RABGAP1L: variants seen among roughly 807,000 people sequenced by gnomAD.
RABGAP1L encodes the protein RAB GTPase activating protein 1 like.
In RABGAP1L, 63 loss-of-function variants were observed where a neutral mutation model predicts 137.7. The observed-to-expected ratio is 0.46, with a 90% confidence interval of 0.37 to 0.56. The LOEUF is 0.56. Ranked by LOEUF, RABGAP1L falls within the 20% of genes least tolerant of loss-of-function variation. RABGAP1L has a pLI of 0.00. For missense variants in RABGAP1L, 1,095 were observed against 1,244.0 expected, an observed-to-expected ratio of 0.88 and a Z score of 1.80; for synonymous variants, 431 against 433.7, an observed-to-expected ratio of 0.99 and a Z score of 0.08.
chr1:174,166,402 A>T (rs1470453807), intron 1 of RABGAP1L, among the ~76,000 whole-genome samples: 1 of 152,246 alleles, frequency 6.6e-6, no homozygotes, highest in Non-Finnish European at 1.5e-5. Context: ...GTTTATACAG[A>T]TCTGCAGCTA....
chr1:174,437,687 GA>G, intron 13 of RABGAP1L, among the ~76,000 whole-genome samples: 1 of 152,208 alleles, frequency 6.6e-6, no homozygotes, highest in Admixed American at 6.5e-5. Flanking sequence ...TAGCAAGGCA[GA>G]CCAACATTCA....
chr1:174,357,563 CA>C (rs1024604316), intron 11 of RABGAP1L, among the ~76,000 whole-genome samples: 15 of 152,050 alleles, frequency 9.9e-5, no homozygotes, highest in African/African-American at 3.6e-4. Context: ...ATTAAACACA[CA>C]AGTAAATAAA....
chr1:174,847,050 C>A (rs1342767676), intron 19 of RABGAP1L, among the ~76,000 whole-genome samples: 1 of 114,472 alleles, frequency 8.7e-6, no homozygotes, highest in Admixed American at 9.9e-5. Flanking sequence ...GGATTGCAAC[C>A]CCTGCCTTTT....
At chr1:174,867,727 C>A (rs561807731) in intron 19 of RABGAP1L, among the ~76,000 whole-genome samples, 17 of 152,298 alleles carry the variant, frequency 1.1e-4, no homozygotes, top group South Asian at 4.1e-4. Context: ...CTCACTGCAA[C>A]CTCCACCTCC....
intron 4 of RABGAP1L, among the ~76,000 whole-genome samples, chr1:174,240,938 T>TTGTGTGTG (rs71958106): frequency 6.6e-6 from 1 of 150,566 alleles, no homozygotes; most frequent in Admixed American, 6.6e-5. Context: ...ATGTGTGTGT[T>TTGTGTGTG]TGTGTGTGTG....
chr1:174,714,030 C>A (rs961346832), intron 17 of RABGAP1L, among the ~76,000 whole-genome samples: 2 of 152,202 alleles, frequency 1.3e-5, no homozygotes, highest in African/African-American at 4.8e-5. Context: ...ATTTGGCCTG[C>A]AGTTATTCCC....
intron 13 of RABGAP1L, among the ~76,000 whole-genome samples, chr1:174,504,322 G>GA (rs1418791169): frequency 3.3e-5 from 5 of 150,286 alleles, no homozygotes; most frequent in Admixed American, 3.3e-4. Flanking sequence ...CACAGAAATA[G>GA]AAAAAATAAC....
At chr1:174,291,167 T>A (rs1416735721) in intron 10 of RABGAP1L, among the ~76,000 whole-genome samples, 1 of 152,210 alleles carries the variant, frequency 6.6e-6, no homozygotes, top group South Asian at 2.1e-4. Flanking sequence ...GCTTAGTTTT[T>A]TTCTTCCCCC....
intron 4 of RABGAP1L, among the ~76,000 whole-genome samples, chr1:174,239,591 C>G (rs1472010445): frequency 2.0e-5 from 3 of 151,436 alleles, no homozygotes; most frequent in Non-Finnish European, 2.9e-5. Flanking sequence ...TAGCACTTTT[C>G]TTTGAATTGA....
At chr1:174,266,974 A>C (rs1674126453) in intron 7 of RABGAP1L, among the ~76,000 whole-genome samples, 1 of 152,188 alleles carries the variant, frequency 6.6e-6, no homozygotes, top group African/African-American at 2.4e-5. Flanking sequence ...CATATTGAAA[A>C]AGTATGATAA....
At chr1:174,942,160 A>G (rs1665994653) in intron 19 of RABGAP1L, among the ~76,000 whole-genome samples, 3 of 152,218 alleles carry the variant, frequency 2.0e-5, no homozygotes. Context: ...CTAGTTAGCC[A>G]TTAGTGCAAA....
intron 13 of RABGAP1L, among the ~76,000 whole-genome samples, chr1:174,490,318 G>A (rs1558278425): frequency 6.6e-6 from 1 of 151,728 alleles, no homozygotes. Context: ...GTAACACTGT[G>A]GTTCTTACAG....
At chr1:174,793,717 A>G (rs1352505146) in intron 18 of RABGAP1L, among the ~76,000 whole-genome samples, 1 of 150,694 alleles carries the variant, frequency 6.6e-6, no homozygotes, top group Admixed American at 6.6e-5. Context: ...TTTTTTTGAG[A>G]TGGATTTTCA....
intron 18 of RABGAP1L, among the ~76,000 whole-genome samples, chr1:174,783,292 G>A (rs1167085483): frequency 6.6e-6 from 1 of 152,076 alleles, no homozygotes; most frequent in Non-Finnish European, 1.5e-5. Context: ...GTGACTCACG[G>A]CTTCTAATAG....
intron 13 of RABGAP1L, among the ~76,000 whole-genome samples, chr1:174,622,586 C>T (rs951854674): frequency 6.6e-6 from 1 of 152,160 alleles, no homozygotes; most frequent in Admixed American, 6.5e-5. Context: ...CCATCATTCT[C>T]AGCAAACTGT....
intron 19 of RABGAP1L, among the ~76,000 whole-genome samples, chr1:174,822,033 C>A (rs538874872): frequency 6.6e-6 from 1 of 152,166 alleles, no homozygotes; most frequent in Non-Finnish European, 1.5e-5. Flanking sequence ...GAGGCCGAGG[C>A]GGGTGGATCA....
chr1:174,814,401 G>A (rs1690171513), intron 19 of RABGAP1L, among the ~76,000 whole-genome samples: 2 of 151,886 alleles, frequency 1.3e-5, no homozygotes, highest in Admixed American at 6.6e-5. Flanking sequence ...CGGTATCCAC[G>A]GGACACCATT....
intron 11 of RABGAP1L, among the ~76,000 whole-genome samples, chr1:174,332,917 A>G (rs1294171182): frequency 6.6e-6 from 1 of 152,244 alleles, no homozygotes; most frequent in African/African-American, 2.4e-5. Context: ...GAGTCCACCT[A>G]AATGTCCATC....
intron 13 of RABGAP1L, among the ~76,000 whole-genome samples, chr1:174,632,493 A>G (rs1013782159): frequency 1.9e-4 from 28 of 150,390 alleles, no homozygotes; most frequent in African/African-American, 6.7e-4. Flanking sequence ...AGTGTTTTCC[A>G]ACTTGGTTCC....
Sources: allele counts gnomAD v4.1 joint callset (sites outside exome capture counted in the v4.1 genomes callset), GRCh38; gene constraint gnomAD v4.1.1; transcripts MANE v1.5; gene names NCBI Gene and HGNC (gene_info 2026-07-23, HGNC 2026-07-21).